The following CCDC171 variants were observed in gnomAD, a reference collection of about 807,000 sequenced individuals.
The protein encoded by CCDC171 is coiled-coil domain containing 171.
Under a neutral mutation model 168.2 loss-of-function variants are expected in CCDC171, and 177 were observed. That is an observed-to-expected ratio of 1.05 (90% confidence interval 0.93 to 1.19). The LOEUF (loss-of-function observed/expected upper bound fraction) is 1.19, where lower values mean the gene tolerates loss of function less well. CCDC171 is among the 50% of genes most tolerant of loss of function. The pLI, the probability that CCDC171 is intolerant of heterozygous loss-of-function variation, is 0.00. For synonymous variants in CCDC171, 687 were observed against 540.8 expected, an observed-to-expected ratio of 1.27 and a Z score of -3.75; for missense variants, 1,991 against 1,539.0, an observed-to-expected ratio of 1.29 and a Z score of -4.91.
At chr9:15,627,722 A>C (rs558714108) in intron 7 of CCDC171, among the ~76,000 whole-genome samples, 2 of 152,278 alleles carry the variant, frequency 1.3e-5, no homozygotes, top group East Asian at 3.9e-4. Context: ...TTTGCTGAGG[A>C]GTGCTTCACT....
intron 6 of CCDC171, among the ~76,000 whole-genome samples, chr9:15,601,108 T>G (rs1203246427): frequency 6.6e-6 from 1 of 152,204 alleles, no homozygotes; most frequent in Non-Finnish European, 1.5e-5. Context: ...CTCGCCCTGC[T>G]TCGACTCACG....
chr9:15,581,317 G>A (rs1022064806), intron 4 of CCDC171, among the ~76,000 whole-genome samples: 6 of 152,176 alleles, frequency 3.9e-5, no homozygotes, highest in Non-Finnish European at 8.8e-5. Context: ...CACGCTCATG[G>A]ATAGGAAGAA....
chr9:15,827,811 C>G (rs556395663), intron 21 of CCDC171, among the ~76,000 whole-genome samples: 16 of 152,250 alleles, frequency 1.1e-4, no homozygotes, highest in African/African-American at 3.9e-4. Flanking sequence ...TTTGTTGTAG[C>G]TGAATAAGCT....
chr9:15,991,980 A>G (rs962087224), intron 3 of CCDC171, among the ~76,000 whole-genome samples: 1 of 152,346 alleles, frequency 6.6e-6, no homozygotes, highest in African/African-American at 2.4e-5. Context: ...GTGGATTCAC[A>G]TCCAAATTCT....
chr9:15,852,315 T>A (rs555602262), intron 23 of CCDC171, among the ~76,000 whole-genome samples: 1 of 151,868 alleles, frequency 6.6e-6, no homozygotes, highest in South Asian at 2.1e-4. Flanking sequence ...TTGATTTGTA[T>A]TTTCCTAATG....
chr9:15,795,332 C>G (rs191664700), intron 21 of CCDC171, among the ~76,000 whole-genome samples: 1 of 152,118 alleles, frequency 6.6e-6, no homozygotes, highest in African/African-American at 2.4e-5. Context: ...CCCTGATGAC[C>G]TAATCACCTC....
chr9:15,587,701 T>A (rs1369653308), intron 4 of CCDC171: 1 of 456,528 alleles, frequency 2.2e-6, no homozygotes, highest in Non-Finnish European at 4.4e-6. Context: ...GTGGTGGGTA[T>A]ATTAGTGTAT....
At chr9:15,961,466 G>C (rs531034943) in intron 25 of CCDC171, among the ~76,000 whole-genome samples, 2 of 152,128 alleles carry the variant, frequency 1.3e-5, no homozygotes, top group Admixed American at 1.3e-4. Flanking sequence ...TCTGCATAAG[G>C]AGTTGCATTT....
Position 16,027,165 on chromosome 9 carries a change from A to G in CCDC171, n.998+4257A>G, listed in dbSNP as rs115168699. Among the ~76,000 whole-genome samples, 480 of 152,338 alleles carry G rather than the reference A, an allele frequency of 3.2e-3. 4 individuals carry two copies. Among genetic ancestry groups the G allele is most frequent in the African/African-American group, 0.011 (452 of 41,578 alleles). On this transcript the variant is annotated intron_variant and non_coding_transcript_variant, in intron 6 of 9. Transcript: ENST00000486641. ...TACAATGAGCACAAATGTTTAATTAATCAGGAATCTTGTGCTTATTATCTT... is the reference window on the plus strand; with the variant it reads ...TACAATGAGCACAAATGTTTAATTAGTCAGGAATCTTGTGCTTATTATCTT...
At chr9:15,633,579 C>T (rs542986752) in intron 7 of CCDC171, among the ~76,000 whole-genome samples, 3 of 152,212 alleles carry the variant, frequency 2.0e-5, no homozygotes, top group Admixed American at 1.3e-4. Flanking sequence ...GTTGGTGGGA[C>T]TGTAAACTAG....
Position 15,729,542 on chromosome 9 carries a change from T to C in CCDC171, c.1861-68T>C, listed in dbSNP as rs142622784. On this transcript the variant is annotated intron_variant, in intron 15 of 25. Transcript: ENST00000380701. ...ATAGTAGGACATTTTGGGTATTTTA[T>C]TGGGGGAGATGACACAAAGAAATAG... 1.1e-3 allele frequency: 1,093 copies of C among 957,824 alleles called. 7 individuals carry two copies. Among genetic ancestry groups the C allele is most frequent in the African/African-American group, 9.5e-3 (588 of 62,070 alleles). 59.3% of individuals were successfully genotyped at this position (957,824 alleles called of 1,614,324 possible). A position where few individuals can be genotyped will look rare whatever the true frequency, so the allele number is the denominator to read the frequency against.
intron 3 of CCDC171, chr9:16,020,474 G>C: frequency 6.5e-6 from 1 of 153,862 alleles, no homozygotes. Flanking sequence ...TTTTACTGCA[G>C]ATCTTAGCAA....
chr9:15,706,265 C>G (rs1474296645), intron 11 of CCDC171, among the ~76,000 whole-genome samples: 2 of 150,872 alleles, frequency 1.3e-5, no homozygotes, highest in Non-Finnish European at 3.0e-5. Context: ...TCCTTCCTTC[C>G]TTCCTTTCTT....
intron 4 of CCDC171, among the ~76,000 whole-genome samples, chr9:15,584,195 G>A (rs896669910): frequency 2.0e-5 from 3 of 152,188 alleles, no homozygotes; most frequent in Non-Finnish European, 2.9e-5. Context: ...TAACTGTTAA[G>A]ATCCTTAGTT....
At chr9:15,983,193 C>T (rs1052965565) in intron 3 of CCDC171, among the ~76,000 whole-genome samples, 14 of 152,044 alleles carry the variant, frequency 9.2e-5, no homozygotes, top group African/African-American at 2.4e-4. Context: ...CTCTTAAATA[C>T]TGAACATTTT....
chr9:15,794,331 G>A (rs969781590), intron 21 of CCDC171, among the ~76,000 whole-genome samples: 3 of 152,004 alleles, frequency 2.0e-5, no homozygotes, highest in Non-Finnish European at 4.4e-5. Flanking sequence ...CAGGCATGTT[G>A]GTGGGCACCT....
At chr9:15,895,952 T>G (rs74698505) in intron 24 of CCDC171, among the ~76,000 whole-genome samples, 2,413 of 152,192 alleles carry the variant, frequency 0.016, 75 homozygotes, top group African/African-American at 0.053. Context: ...TTTCTAAGAT[T>G]ATTGTTGCCT....
At chr9:15,704,167 T>C (rs1369873640) in intron 11 of CCDC171, among the ~76,000 whole-genome samples, 1 of 146,314 alleles carries the variant, frequency 6.8e-6, no homozygotes, top group Non-Finnish European at 1.5e-5. Flanking sequence ...GAGGGAAAAA[T>C]CTACTTTAAA....
chr9:15,990,300 C>T (rs1018106990), intron 3 of CCDC171, among the ~76,000 whole-genome samples: 1 of 152,044 alleles, frequency 6.6e-6, no homozygotes, highest in Non-Finnish European at 1.5e-5. Flanking sequence ...AATTTTCAAC[C>T]CAGAATTTCA....
Sources: allele counts gnomAD v4.1 joint callset (sites outside exome capture counted in the v4.1 genomes callset), GRCh38; gene constraint gnomAD v4.1.1; transcripts MANE v1.5; gene names NCBI Gene and HGNC (gene_info 2026-07-23, HGNC 2026-07-21).